The following BCAR3 variants were observed in gnomAD, a reference collection of about 807,000 sequenced individuals.
BCAR3 encodes the protein breast cancer anti-estrogen resistance protein 3.
BCAR3 carries 37 observed loss-of-function variants against 80.1 expected under a neutral mutation model. The ratio of observed to expected loss-of-function variants is 0.46; its 90% CI spans 0.36 to 0.61. BCAR3 has a LOEUF of 0.61. Among genes scored for constraint, BCAR3 ranks in the 20% least tolerant of loss-of-function variants. BCAR3 has a pLI of 0.00. For synonymous variants in BCAR3, 389 were observed against 418.9 expected, an observed-to-expected ratio of 0.93 and a Z score of 0.87; for missense variants, 978 against 1,068.2, an observed-to-expected ratio of 0.92 and a Z score of 1.18.
Position 93,561,805 on chromosome 1 carries a change from G to T in BCAR3, c.*436C>A, listed in dbSNP as rs768436034. On this transcript the variant is annotated 3_prime_UTR_variant, in exon 12 of 12. Coordinates refer to ENST00000260502, the MANE Select transcript of BCAR3 (RefSeq NM_003567.4). ...GGATACAACTGTTTCACAAAAAGAT[G>T]TATTTTCATTCATGAGTATTTACAT... The T allele has an allele frequency of 6.5e-6, 1 of 153,190 alleles. No individual in the cohort carries two copies. Among genetic ancestry groups the T allele is most frequent in the Admixed American group, 6.5e-5 (1 of 15,298 alleles). 9.5% of individuals were successfully genotyped at this position (153,190 alleles called of 1,614,324 possible). A position where few individuals can be genotyped will look rare whatever the true frequency, so the allele number is the denominator to read the frequency against.
chr1:93,642,678 C>G (rs184450710), intron 2 of BCAR3, among the ~76,000 whole-genome samples: 3 of 152,142 alleles, frequency 2.0e-5, no homozygotes, highest in Admixed American at 6.5e-5. Flanking sequence ...GGACTGGGTA[C>G]GGGAACGTGT....
intron 2 of BCAR3, among the ~76,000 whole-genome samples, chr1:93,712,329 A>G (rs1650050357): frequency 6.6e-6 from 1 of 152,228 alleles, no homozygotes; most frequent in African/African-American, 2.4e-5. Flanking sequence ...AGCTGAGTAC[A>G]GCTAAGCTCC....
chr1:93,638,546 G>T (rs918454090), intron 3 of BCAR3, among the ~76,000 whole-genome samples: 1 of 151,990 alleles, frequency 6.6e-6, no homozygotes, highest in African/African-American at 2.4e-5. Flanking sequence ...TTTTGCCTAG[G>T]GTTATTGGCT....
chr1:93,755,973 G>C (rs1557677504), intron 2 of BCAR3, among the ~76,000 whole-genome samples: 1 of 152,164 alleles, frequency 6.6e-6, no homozygotes. Flanking sequence ...GAGCCAGCTT[G>C]CTACTGAAGT....
intron 2 of BCAR3, among the ~76,000 whole-genome samples, chr1:93,831,336 A>G (rs1654555245): frequency 6.6e-6 from 1 of 152,130 alleles, no homozygotes; most frequent in African/African-American, 2.4e-5. Flanking sequence ...CTGTGTTCTC[A>G]AGAACTTAAA....
chr1:93,603,215 A>C (rs1037994188), intron 3 of BCAR3, among the ~76,000 whole-genome samples: 2 of 152,256 alleles, frequency 1.3e-5, no homozygotes, highest in African/African-American at 4.8e-5. Context: ...ACCAAATGTG[A>C]ACGTGGGCAA....
chr1:93,692,449 G>A (rs181297908), intron 3 of BCAR3, among the ~76,000 whole-genome samples: 50 of 152,268 alleles, frequency 3.3e-4, no homozygotes, highest in Admixed American at 1.4e-3. Context: ...CTGCAAAGAG[G>A]GAGAGAGCAC....
chr1:93,675,639 C>A (rs1433179479), intron 1 of BCAR3, among the ~76,000 whole-genome samples: 4 of 151,846 alleles, frequency 2.6e-5, no homozygotes, highest in African/African-American at 9.7e-5. Context: ...TTAGGTAATG[C>A]CCATGGGTGC....
intron 3 of BCAR3, among the ~76,000 whole-genome samples, chr1:93,615,291 A>C (rs1347488102): frequency 6.6e-6 from 1 of 152,202 alleles, no homozygotes; most frequent in Non-Finnish European, 1.5e-5. Flanking sequence ...GACTAGGTCA[A>C]GTCTGCCCAC....
chr1:93,676,422 G>A (rs1233771084), intron 1 of BCAR3, among the ~76,000 whole-genome samples: 2 of 152,214 alleles, frequency 1.3e-5, no homozygotes, highest in African/African-American at 2.4e-5. Flanking sequence ...GATGGAAGGA[G>A]CATCTTTACT....
chr1:93,654,081 C>G (rs236293), intron 2 of BCAR3, among the ~76,000 whole-genome samples: 6,490 of 152,234 alleles, frequency 0.043, 213 homozygotes, highest in African/African-American at 0.082. Context: ...CCTGGTTGGC[C>G]TGACCCCAGC....
chr1:93,724,162 G>A (rs1392010037), intron 2 of BCAR3, among the ~76,000 whole-genome samples: 1 of 152,170 alleles, frequency 6.6e-6, no homozygotes, highest in East Asian at 1.9e-4. Flanking sequence ...AAAACAAGGG[G>A]AGCCACAGAG....
At chr1:93,585,113 A>AGT (rs1464373448) in intron 5 of BCAR3, 11 of 985,194 alleles carry the variant, frequency 1.1e-5, no homozygotes, top group African/African-American at 3.5e-5. Context: ...ATATTTAAGC[A>AGT]GTGACCACTG....
Position 93,845,714 on chromosome 1 carries a change from T to C in BCAR3, c.-208-2A>G, listed in dbSNP as rs1655152026. ...CTTGAGGGATGAGGTAATGTCTCCC[T>C]ATGGAACAAAGAGCAGGCTTGCTTA... On this transcript the variant is annotated splice_acceptor_variant, in intron 1 of 13. Transcript: ENST00000370244. LOFTEE classifies it low-confidence loss of function (5UTR_SPLICE). The C allele has an allele frequency of 6.6e-6, 1 of 152,064 alleles. No homozygotes were observed. Among genetic ancestry groups the C allele is most frequent in the Non-Finnish European group, 1.5e-5 (1 of 68,016 alleles). The allele number at this position is 152,064 out of a possible 1,614,324, so 9.4% of individuals were successfully genotyped here.
At position 93,749,147 on chromosome 1, in the gene BCAR3, G is replaced by GGTGT. The variant is rs57871721; in HGVS notation, c.-62-43009_-62-43006dup. 4.7e-3 allele frequency among the ~76,000 whole-genome samples: 713 copies of GGTGT among 150,568 alleles called. 9 individuals carry two copies. The highest frequency in any genetic ancestry group is 0.02 in the Admixed American group (309 of 15,150). Reference sequence around the variant, plus strand: ...GCCCCCACACACACAAACAAATAATGGTGTGTGTGTGTGTGTGGTAATTGC... The same window carrying GGTGT: ...GCCCCCACACACACAAACAAATAATGGTGTGTGTGTGTGTGTGTGTGGTAATTGC... On this transcript the variant is annotated intron_variant, in intron 2 of 13. Coordinates refer to the BCAR3 transcript ENST00000370244.
chr1:93,565,449 C>T (rs569518431), intron 11 of BCAR3, among the ~76,000 whole-genome samples: 2 of 152,204 alleles, frequency 1.3e-5, no homozygotes, highest in Non-Finnish European at 2.9e-5. Flanking sequence ...CAGATCTCTG[C>T]CTTTCCTGGG....
chr1:93,570,699 C>T (rs1160000445), intron 9 of BCAR3, among the ~76,000 whole-genome samples: 1 of 152,200 alleles, frequency 6.6e-6, no homozygotes, highest in East Asian at 1.9e-4. Context: ...GATAGAAGCT[C>T]TGCAAATGTC....
intron 9 of BCAR3, among the ~76,000 whole-genome samples, chr1:93,571,118 C>T (rs1287912557): frequency 2.6e-5 from 4 of 151,880 alleles, no homozygotes; most frequent in South Asian, 2.1e-4. Context: ...GCAGGAGAAT[C>T]GCTTGAACCC....
chr1:93,612,049 A>G (rs1674965260), intron 3 of BCAR3, among the ~76,000 whole-genome samples: 1 of 152,192 alleles, frequency 6.6e-6, no homozygotes, highest in African/African-American at 2.4e-5. Context: ...ACCCCTAATT[A>G]AAGTGGGAGT....
Sources: allele counts gnomAD v4.1 joint callset (sites outside exome capture counted in the v4.1 genomes callset), GRCh38; gene constraint gnomAD v4.1.1; transcripts MANE v1.5; gene names NCBI Gene and HGNC (gene_info 2026-07-23, HGNC 2026-07-21).